MAPK10: variants seen among roughly 807,000 people sequenced by gnomAD.
The protein encoded by MAPK10 is JNK3 alpha protein kinase.
Under a neutral mutation model 59.3 loss-of-function variants are expected in MAPK10, and 25 were observed. The ratio of observed to expected loss-of-function variants is 0.42; its 90% CI spans 0.31 to 0.59. The LOEUF is 0.59. MAPK10 is among the 20% of genes least tolerant of loss of function. MAPK10 has a pLI of 0.15. For synonymous variants in MAPK10, 190 were observed against 200.5 expected, an observed-to-expected ratio of 0.95 and a Z score of 0.44; for missense variants, 351 against 568.9, an observed-to-expected ratio of 0.62 and a Z score of 3.90.
intron 1 of MAPK10, among the ~76,000 whole-genome samples, chr4:86,432,790 T>C (rs1748216062): frequency 6.6e-6 from 1 of 152,194 alleles, no homozygotes; most frequent in South Asian, 2.1e-4. Flanking sequence ...AGTGGCAAGA[T>C]AGGCACAGTT....
intron 13 of MAPK10, among the ~76,000 whole-genome samples, chr4:86,022,207 TTAC>T (rs1397212233): frequency 2.0e-5 from 3 of 152,352 alleles, no homozygotes; most frequent in East Asian, 3.9e-4. Flanking sequence ...CCATTTTACA[TTAC>T]TACCAGCAGT....
chr4:86,453,146 G>C (rs2149056666), exon 1 of MAPK10: 1 of 152,406 alleles, frequency 6.6e-6, no homozygotes, highest in South Asian at 2.1e-4. Flanking sequence ...GCCTCACAGG[G>C]GTCCTTGAGG....
intron 9 of MAPK10, among the ~76,000 whole-genome samples, chr4:86,091,865 G>A (rs1444353317): frequency 6.6e-6 from 1 of 151,778 alleles, no homozygotes; most frequent in Non-Finnish European, 1.5e-5. Context: ...GTAGAGGTGG[G>A]GTTTCACCAT....
At chr4:86,081,890 A>C (rs926240573) in intron 9 of MAPK10, 2 of 149,628 alleles carry the variant, frequency 1.3e-5, no homozygotes, top group East Asian at 2.0e-4. Flanking sequence ...AAAAAAAAAA[A>C]CAGTAAAATC....
At chr4:86,451,738 G>A (rs1440635216) in intron 1 of MAPK10, among the ~76,000 whole-genome samples, 1 of 152,168 alleles carries the variant, frequency 6.6e-6, no homozygotes, top group Non-Finnish European at 1.5e-5. Context: ...AAGGGAGGTG[G>A]AGTATTTACA....
chr4:86,183,574 A>T (rs986218209), intron 3 of MAPK10, among the ~76,000 whole-genome samples: 10 of 151,944 alleles, frequency 6.6e-5, no homozygotes, highest in Non-Finnish European at 1.3e-4. Flanking sequence ...AGTCTTTGCT[A>T]TTGTGAATAG....
intron 1 of MAPK10, among the ~76,000 whole-genome samples, chr4:86,553,571 G>A (rs1449568369): frequency 6.6e-6 from 1 of 152,108 alleles, no homozygotes; most frequent in Admixed American, 6.5e-5. Flanking sequence ...GGAAGGTGGG[G>A]TCAGGGTCTC....
chr4:86,245,559 C>T (rs1307685708), intron 2 of MAPK10, among the ~76,000 whole-genome samples: 3 of 152,054 alleles, frequency 2.0e-5, no homozygotes, highest in Admixed American at 2.0e-4. Flanking sequence ...GTCTCAAACT[C>T]CTGGGCTCAA....
At chr4:86,314,778 A>G (rs1042614575) in intron 2 of MAPK10, among the ~76,000 whole-genome samples, 1 of 152,140 alleles carries the variant, frequency 6.6e-6, no homozygotes, top group African/African-American at 2.4e-5. Flanking sequence ...GTTACAAATC[A>G]ACCATAATAC....
At chr4:86,200,099 T>C (rs1000469623) in intron 2 of MAPK10, among the ~76,000 whole-genome samples, 8 of 152,098 alleles carry the variant, frequency 5.3e-5, no homozygotes, top group African/African-American at 1.9e-4. Flanking sequence ...GATGTTATTT[T>C]ATTGCGTGTC....
chr4:86,350,205 C>T (rs1730489982), intron 2 of MAPK10, among the ~76,000 whole-genome samples: 1 of 151,690 alleles, frequency 6.6e-6, no homozygotes, highest in Non-Finnish European at 1.5e-5. Context: ...GTGCCCACCA[C>T]CATGTCCAGA....
At chr4:86,398,035 G>A (rs905776207) in intron 1 of MAPK10, among the ~76,000 whole-genome samples, 2 of 151,814 alleles carry the variant, frequency 1.3e-5, no homozygotes, top group Non-Finnish European at 2.9e-5. Flanking sequence ...AAACTATCAC[G>A]ACTCCTAACA....
chr4:86,529,432 C>A (rs145291854), intron 1 of MAPK10, among the ~76,000 whole-genome samples: 5 of 152,294 alleles, frequency 3.3e-5, no homozygotes, highest in Admixed American at 6.5e-5. Flanking sequence ...CCTAGAAAGG[C>A]CCCACTCATG....
At position 86,017,127 on chromosome 4, in the gene MAPK10, T is replaced by C. The variant is rs1008540603; in HGVS notation, c.*101A>G. On this transcript the variant is annotated 3_prime_UTR_variant, in exon 14 of 14. Coordinates refer to ENST00000641462, the MANE Select transcript of MAPK10 (RefSeq NM_138982.4). This position sits in a 1 kb window ranked among gnomAD's most constrained non-coding sequence, Gnocchi z 4.4. ...ATTCTCTCCCTTGCTGTTTTCTTGA[T>C]GTTGTGTGTCTGCATTTGTGTGTGT... 3.2e-6 allele frequency: 4 copies of C among 1,266,898 alleles called. No individual in the cohort carries two copies. Among genetic ancestry groups the C allele is most frequent in the Non-Finnish European group, 4.4e-6 (4 of 908,788 alleles). The allele number at this position is 1,266,898 out of a possible 1,614,324, so 78.5% of individuals were successfully genotyped here.
At chr4:86,398,301 T>A (rs1440485345) in intron 1 of MAPK10, among the ~76,000 whole-genome samples, 1 of 152,188 alleles carries the variant, frequency 6.6e-6, no homozygotes, top group Admixed American at 6.5e-5. Context: ...AGTATTTATT[T>A]TAGGTCAGAT....
chr4:86,212,744 G>A (rs1251092904), intron 2 of MAPK10, among the ~76,000 whole-genome samples: 1 of 152,072 alleles, frequency 6.6e-6, no homozygotes, highest in African/African-American at 2.4e-5. Context: ...AAATTCACAA[G>A]ACTGGAAGGA....
chr4:86,063,577 C>A (rs1223750566), intron 11 of MAPK10, among the ~76,000 whole-genome samples: 1 of 151,996 alleles, frequency 6.6e-6, no homozygotes, highest in Middle Eastern at 3.2e-3. Flanking sequence ...CCCTGCTCAG[C>A]CCTGGATCCA....
Position 86,070,236 on chromosome 4 carries a change from A to T in MAPK10, c.803-2281T>A, listed in dbSNP as rs144395309. 1.4e-3 allele frequency among the ~76,000 whole-genome samples: 217 copies of T among 152,284 alleles called. 1 individual carries two copies. Among genetic ancestry groups the T allele is most frequent in the African/African-American group, 4.7e-3 (196 of 41,558 alleles). ...ATCCATTTCAAGATTTTTCTTCCCAAAAACATATGTGTGTGTATATCTACA... is the reference window on the plus strand; with the variant it reads ...ATCCATTTCAAGATTTTTCTTCCCATAAACATATGTGTGTGTATATCTACA... On this transcript the variant is annotated intron_variant, in intron 9 of 13. Coordinates refer to ENST00000641462, the MANE Select transcript of MAPK10 (RefSeq NM_138982.4).
At chr4:86,577,994 T>C (rs1056114323) in intron 1 of MAPK10, among the ~76,000 whole-genome samples, 2 of 152,180 alleles carry the variant, frequency 1.3e-5, no homozygotes, top group Non-Finnish European at 2.9e-5. Flanking sequence ...AAGGTTGGTA[T>C]TATTAATACC....
Sources: gnomAD v4.1 joint callset for allele counts (sites outside exome capture counted in the v4.1 genomes callset) on GRCh38, gnomAD v4.1.1 for gene constraint, Gnocchi (gnomAD v3.1) non-coding constraint, MANE v1.5 for transcripts, NCBI Gene and HGNC (gene_info 2026-07-23, HGNC 2026-07-21) for gene names.